DOK5: variants seen among roughly 807,000 people sequenced by gnomAD.
DOK5 encodes the protein docking protein 5.
A neutral mutation model predicts 43.3 loss-of-function variants in DOK5; 27 were observed. The ratio of observed to expected loss-of-function variants is 0.62; its 90% confidence interval spans 0.46 to 0.86. The LOEUF is 0.86. Among genes scored for constraint, DOK5 ranks in the 40% least tolerant of loss-of-function variants. DOK5 has a pLI of 0.00. For missense variants in DOK5, 373 were observed against 392.9 expected, an observed-to-expected ratio of 0.95 and a Z score of 0.43; for synonymous variants, 146 against 140.1, an observed-to-expected ratio of 1.04 and a Z score of -0.30.
intron 1 of DOK5, among the ~76,000 whole-genome samples, chr20:54,484,118 TCTGTAATCCCAGCA>T (rs1158785289): frequency 6.6e-6 from 1 of 151,996 alleles, no homozygotes; most frequent in Non-Finnish European, 1.5e-5. Context: ...GTGGCTCACG[TCTGTAATCCCAGCA>T]CTTTGGGAGG....
intron 5 of DOK5, 121 bp downstream of exon 5, chr20:54,591,926 A>G: frequency 1.2e-6 from 1 of 803,380 alleles, no homozygotes; most frequent in African/African-American, 1.7e-5. Context: ...AGTACACTTG[A>G]GGAAATTCAT....
At chr20:54,492,048 G>GACATATATATCATATATA (rs1982198922) in intron 1 of DOK5, among the ~76,000 whole-genome samples, 1 of 151,652 alleles carries the variant, frequency 6.6e-6, no homozygotes, top group African/African-American at 2.4e-5. Context: ...ATGTATATAT[G>GACATATATATCATATATA]ACATATATAT....
Position 54,634,501 on chromosome 20 carries a change from G to A in DOK5, c.736-8957G>A, listed in dbSNP as rs925950913. 1.4e-5 allele frequency among the ~76,000 whole-genome samples: 2 copies of A among 145,364 alleles called. 1 individual carries two copies. The highest frequency in any genetic ancestry group is 4.4e-4 in the South Asian group (2 of 4,570). The stretch of plus-strand genomic sequence containing the variant: ...CTGTCACCCAGGCTGGAGTGCAGTG[G>A]TGCGATCTCGGCTCACTACAAGCTC... On this transcript the variant is annotated intron_variant, in intron 6 of 7. Coordinates refer to ENST00000262593, the MANE Select transcript of DOK5 (RefSeq NM_018431.5).
At chr20:54,522,626 T>C (rs1983449104) in intron 1 of DOK5, among the ~76,000 whole-genome samples, 2 of 150,612 alleles carry the variant, frequency 1.3e-5, no homozygotes. Context: ...TTCAAGCAAC[T>C]CTCCTGCCTC....
At chr20:54,478,060 G>A (rs1191745272) in intron 1 of DOK5, among the ~76,000 whole-genome samples, 1 of 152,204 alleles carries the variant, frequency 6.6e-6, no homozygotes, top group Non-Finnish European at 1.5e-5. Context: ...CTTTTTGTCT[G>A]TGTTCACGTT....
At chr20:54,521,132 G>A (rs1233430784) in intron 1 of DOK5, among the ~76,000 whole-genome samples, 2 of 151,864 alleles carry the variant, frequency 1.3e-5, no homozygotes, top group Non-Finnish European at 2.9e-5. Flanking sequence ...TCTCCCTCAT[G>A]GCACTTACCA....
intron 1 of DOK5, among the ~76,000 whole-genome samples, chr20:54,539,605 G>A (rs1984079809): frequency 6.6e-6 from 1 of 152,140 alleles, no homozygotes; most frequent in Admixed American, 6.5e-5. Context: ...TCTGTTTGCT[G>A]TCATGGGCTC....
At chr20:54,614,144 G>A (rs567098190) in intron 6 of DOK5, among the ~76,000 whole-genome samples, 2 of 152,098 alleles carry the variant, frequency 1.3e-5, no homozygotes, top group African/African-American at 2.4e-5. Flanking sequence ...ATGACTATCT[G>A]TTTAAGATAA....
chr20:54,503,163 C>G (rs1036317156), intron 1 of DOK5, among the ~76,000 whole-genome samples: 1 of 152,132 alleles, frequency 6.6e-6, no homozygotes, highest in African/African-American at 2.4e-5. Flanking sequence ...AGGTGGAAAG[C>G]AGGCTAATTA....
intron 1 of DOK5, among the ~76,000 whole-genome samples, chr20:54,497,348 T>C (rs1982441960): frequency 6.6e-6 from 1 of 152,238 alleles, no homozygotes; most frequent in African/African-American, 2.4e-5. Flanking sequence ...AAAATGCCAA[T>C]TTAAACAGTC....
intron 6 of DOK5, 91 bp downstream of exon 6, chr20:54,610,614 AT>A: frequency 7.9e-7 from 1 of 1,267,822 alleles, no homozygotes; most frequent in Non-Finnish European, 1.0e-6. Context: ...GGTCAGCATT[AT>A]TTGAGCAGAT....
At chr20:54,526,790 A>C (rs1983591666) in intron 1 of DOK5, among the ~76,000 whole-genome samples, 1 of 152,140 alleles carries the variant, frequency 6.6e-6, no homozygotes, top group South Asian at 2.1e-4. Context: ...TCTGTTTTCG[A>C]AAAGCAGTCT....
chr20:54,592,452 A>G (rs1282647365), intron 5 of DOK5, among the ~76,000 whole-genome samples: 2 of 152,140 alleles, frequency 1.3e-5, no homozygotes, highest in Non-Finnish European at 2.9e-5. Context: ...GTTGCTACCT[A>G]CAAAAAGATT....
chr20:54,573,158 G>A (rs1985345690), intron 2 of DOK5, among the ~76,000 whole-genome samples: 1 of 152,196 alleles, frequency 6.6e-6, no homozygotes, highest in South Asian at 2.1e-4. Context: ...GGAGAGGGTT[G>A]CAGTTTTAAG....
At chr20:54,561,240 G>A (rs754203927) in intron 2 of DOK5, among the ~76,000 whole-genome samples, 44 of 152,192 alleles carry the variant, frequency 2.9e-4, no homozygotes, top group Non-Finnish European at 6.3e-4. Context: ...AATGAAAGCA[G>A]GGCTTTATTT....
chr20:54,629,623 C>T (rs1340597637), intron 6 of DOK5, among the ~76,000 whole-genome samples: 1 of 152,196 alleles, frequency 6.6e-6, no homozygotes, highest in Non-Finnish European at 1.5e-5. Context: ...AGCAGGAGTA[C>T]AACAGAGAAC....
intron 7 of DOK5, among the ~76,000 whole-genome samples, chr20:54,644,722 A>AC (rs750143945): frequency 0.39 from 56,714 of 146,568 alleles, 13,676 homozygotes; most frequent in South Asian, 0.61. Flanking sequence ...AAAAAAAAAA[A>AC]AACAAAATTT....
chr20:54,536,219 A>G (rs1239134148), intron 1 of DOK5, among the ~76,000 whole-genome samples: 1 of 152,182 alleles, frequency 6.6e-6, no homozygotes, highest in Non-Finnish European at 1.5e-5. Flanking sequence ...GGTGCTTTAG[A>G]TTTGGGAGAT....
At position 54,643,480 on chromosome 20, in the gene DOK5, G is replaced by A. The variant is rs145562960; in HGVS notation, c.758G>A (p.Arg253Gln). ...NSMLQMKMSE[R>Q]AASLSTMVPL... ...CAGCTCCAGATGAAGATGAGTGAGC[G>A]GGCCGCCTCGCTGAGCACCATGGTG... is the stretch of plus-strand genomic sequence containing the variant. The change falls in exon 7 of 8, where the codon CGG becomes CAG. Residue 253 changes from arginine (R) to glutamine (Q), a missense_variant. Coordinates refer to ENST00000262593, the MANE Select transcript of DOK5 (RefSeq NM_018431.5). 37 of 1,613,440 alleles carry A rather than the reference G, an allele frequency of 2.3e-5. No individual in the cohort carries two copies. Among genetic ancestry groups the A allele is most frequent in the South Asian group, 7.7e-5 (7 of 91,088 alleles).
Sources: allele counts gnomAD v4.1 joint callset (sites outside exome capture counted in the v4.1 genomes callset), GRCh38; gene constraint gnomAD v4.1.1; transcripts MANE v1.5; gene names NCBI Gene and HGNC (gene_info 2026-07-23, HGNC 2026-07-21).